UQCRB: variants seen among roughly 807,000 people sequenced by gnomAD.
UQCRB encodes cytochrome b-c1 complex subunit 7.
A neutral mutation model predicts 19.8 loss-of-function variants in UQCRB; 12 were observed. The observed-to-expected ratio is 0.61, with a 90% CI of 0.39 to 0.98. The LOEUF (loss-of-function observed/expected upper bound fraction) is 0.98, where lower values mean the gene tolerates loss of function less well. UQCRB is among the 50% of genes least tolerant of loss of function. The probability of loss-of-function intolerance (pLI) is 0.00; values close to 1 mark genes in which losing one functional copy is unlikely to be tolerated. For synonymous variants in UQCRB, 39 were observed against 42.9 expected, an observed-to-expected ratio of 0.91 and a Z score of 0.35; for missense variants, 142 against 131.8, an observed-to-expected ratio of 1.08 and a Z score of -0.38.
At chr8:96,234,778 A>AAAACAAAC (rs569834910) in intron 1 of UQCRB, 6 of 248,196 alleles carry the variant, frequency 2.4e-5, no homozygotes, top group Non-Finnish European at 4.1e-5. Flanking sequence ...TCTCAAAGAC[A>AAAACAAAC]AAACAAACAA....
rs1809650181 is a variant in UQCRB at position 96,230,749 on chromosome 8, T to TA, written c.*305dup. On this transcript the variant is annotated 3_prime_UTR_variant, in exon 4 of 4. Transcript: ENST00000287022. ...CAGTAGCTTCCATAAGGATGTAACT[T>TA]ACGGAAGTTATATCCTTCCATAAAC... 7 of 532,910 alleles carry TA rather than the reference T, an allele frequency of 1.3e-5. No individual in the cohort carries two copies. In the East Asian group the frequency reaches 2.9e-4, roughly 22 times the overall value. 33.0% of individuals were successfully genotyped at this position (532,910 alleles called of 1,614,324 possible).
chr8:96,234,237 A>C, intron 1 of UQCRB: 1 of 231,676 alleles, frequency 4.3e-6, no homozygotes, highest in South Asian at 4.4e-5. Flanking sequence ...TGCTGCTAGA[A>C]AAACAAGTAT....
rs762110280 is a variant in UQCRB at position 96,227,359 on chromosome 8, T to G, written c.*3696A>C. On this transcript the variant is annotated 3_prime_UTR_variant, in exon 4 of 4. Coordinates refer to ENST00000287022, the MANE Select transcript of UQCRB (RefSeq NM_006294.5). ...GTTGGTGGGGCGCAGAATGGAGAAA[T>G]CTTCCATAGTGCTCGTGTGATGTAC... The G allele has an allele frequency of 6.6e-6, 3 of 454,086 alleles. No individual in the cohort carries two copies. Among genetic ancestry groups the G allele is most frequent in the Middle Eastern group, 6.9e-4 (1 of 1,444 alleles). 28.1% of individuals were successfully genotyped at this position (454,086 alleles called of 1,614,324 possible).
At chr8:96,233,470 T>G (rs937108033) in intron 1 of UQCRB, 9 of 469,846 alleles carry the variant, frequency 1.9e-5, no homozygotes, top group African/African-American at 4.0e-5. Flanking sequence ...CAAAAGTGGT[T>G]GCAGGAAAAT....
rs750762015 is a variant in UQCRB, at chr8:96,231,985, C to A, written c.92-45G>T. The A allele has an allele frequency of 1.9e-6, 3 of 1,604,844 alleles. No homozygotes were observed. In the Admixed American group the frequency reaches 5.0e-5, roughly 27 times the overall value. ...TAGATTGCACATGCATCTCAAAAAT[C>A]GCGGTTTTTTTAAATTAGTAAAATA... On this transcript the variant is annotated intron_variant, in intron 2 of 3. Coordinates refer to ENST00000287022, the MANE Select transcript of UQCRB (RefSeq NM_006294.5).
intron 3 of UQCRB, 22 bp from the exon 4 acceptor site, chr8:96,231,154 A>G (rs1563537441): frequency 3.7e-6 from 6 of 1,614,100 alleles, no homozygotes; most frequent in African/African-American, 1.3e-5. Flanking sequence ...ATGAAATATT[A>G]TATGTTACCA....
In UQCRB at chr8:96,231,212, A is replaced by G. The variant is rs559928196; in HGVS notation, c.259-80T>C. On this transcript the variant is annotated intron_variant, in intron 3 of 3. Transcript: ENST00000287022. Reference sequence around the variant, plus strand: ...CACTCAACAGGTCTTCAATAACAAGAAAAAAGCAATTACTTTTGAATTTCC... The same window carrying G: ...CACTCAACAGGTCTTCAATAACAAGGAAAAAGCAATTACTTTTGAATTTCC... 2,032 of 1,613,352 alleles carry G rather than the reference A, an allele frequency of 1.3e-3. 1 individual carries two copies. The highest frequency in any genetic ancestry group is 1.5e-3 in the Non-Finnish European group (1,732 of 1,179,684).
Position 96,233,015 on chromosome 8 carries a change from A to C in UQCRB, c.91+141T>G. On this transcript the variant is annotated intron_variant, in intron 2 of 3. Transcript: ENST00000287022. ...TTTAACATAATGTGATTTAATTTTAAAATCTTCTGATGTATACAAGAACTG... is the reference window on the plus strand; with the variant it reads ...TTTAACATAATGTGATTTAATTTTACAATCTTCTGATGTATACAAGAACTG... 4.1e-6 allele frequency: 3 copies of C among 726,130 alleles called. No homozygotes were observed. In the East Asian group the frequency reaches 8.0e-5, roughly 19 times the overall value. The allele number at this position is 726,130 out of a possible 1,614,324, so 45.0% of individuals were successfully genotyped here.
At chr8:96,231,310 A>T in intron 3 of UQCRB, 178 bp from the exon 4 acceptor site, 2 of 1,552,342 alleles carry the variant, frequency 1.3e-6, no homozygotes, top group Non-Finnish European at 1.7e-6. Context: ...TGATGGTGTG[A>T]TAAGTTGCTT....
rs931778265 is a variant in UQCRB, at chr8:96,225,562, G to A, written c.*5493C>T. On this transcript the variant is annotated 3_prime_UTR_variant, in exon 4 of 4. Coordinates refer to ENST00000287022, the MANE Select transcript of UQCRB (RefSeq NM_006294.5). ...TCCCATGTCTCTCCAGCTGATATTT[G>A]CCACTCCATCAGTGCAAAACTGCCT... 2.6e-5 allele frequency among the ~76,000 whole-genome samples: 4 copies of A among 151,872 alleles called. No homozygotes were observed. The highest frequency in any genetic ancestry group is 9.7e-5 in the African/African-American group (4 of 41,320).
At position 96,231,878 on chromosome 8, in the gene UQCRB, G is replaced by A; in HGVS notation, c.154C>T (p.Pro52Ser). The stretch of plus-strand genomic sequence containing the variant: ...ATCCTGTCATTATAAAGGTTCTCAG[G>A]AAGTCTTCTTATGGCTTCTTTTACA... The part of the protein sequence containing the change: ...EDVKEAIRRL[P>S]ENLYNDRMFR... Residue 52 changes from proline (P) to serine (S), a missense_variant, in exon 3 of 4, where the codon CCT becomes TCT. Around this residue, in one of 2 missense-constraint regions of UQCRB, gnomAD observed 132 missense variants for 107.5 expected, o/e 1.23. Transcript: ENST00000287022. 6.2e-7 allele frequency: 1 copy of A among 1,613,978 alleles called. No individual in the cohort carries two copies. Among genetic ancestry groups the A allele is most frequent in the Non-Finnish European group, 8.5e-7 (1 of 1,180,000 alleles).
chr8:96,231,523 G>A, intron 3 of UQCRB: 2 of 1,517,094 alleles, frequency 1.3e-6, no homozygotes, highest in Non-Finnish European at 1.8e-6. Flanking sequence ...GACCTGGGAG[G>A]CAACAGACCT....
At chr8:96,235,257 A>C (rs1435677985) in intron 1 of UQCRB, 2 of 602,470 alleles carry the variant, frequency 3.3e-6, no homozygotes, top group East Asian at 5.6e-5. Context: ...GGGCAGCTGG[A>C]ACTCCAGGGC....
chr8:96,234,075 TTC>T (rs1809741049), intron 1 of UQCRB: 2 of 154,528 alleles, frequency 1.3e-5, no homozygotes, highest in African/African-American at 4.8e-5. Context: ...CAGGTTTGTA[TTC>T]TCTTTTAAAA....
intron 2 of UQCRB, 36 bp downstream of exon 2, chr8:96,233,120 C>G (rs141771007): frequency 1.3e-6 from 2 of 1,586,244 alleles, no homozygotes; most frequent in East Asian, 4.5e-5. Flanking sequence ...GAAACAACAA[C>G]AACAACAAAA....
intron 3 of UQCRB, 65 bp downstream of exon 3, chr8:96,231,709 T>C: frequency 1.3e-6 from 2 of 1,599,848 alleles, no homozygotes; most frequent in Non-Finnish European, 1.7e-6. Flanking sequence ...AATGAACATG[T>C]TTCTCTTGTT....
At position 96,233,111 on chromosome 8, in the gene UQCRB, AAACAAC is replaced by A. The variant is rs200246252; in HGVS notation, c.91+39_91+44del. 9.5e-6 allele frequency: 15 copies of A among 1,576,278 alleles called. No homozygotes were observed. In the Admixed American group the frequency reaches 2.6e-4, roughly 27 times the overall value. On this transcript the variant is annotated intron_variant, in intron 2 of 3. Transcript: ENST00000287022. ...CAGAAAAACAAAAAAAAAAACAAAG[AAACAAC>A]AACAACAACAAAAAACATTAAACAG...
chr8:96,232,508 T>A (rs1302256248), intron 2 of UQCRB: 1 of 154,166 alleles, frequency 6.5e-6, no homozygotes, highest in Non-Finnish European at 1.4e-5. Flanking sequence ...ATTCAAAAAC[T>A]CTCTACTTTC....
Position 96,232,696 on chromosome 8 carries a change from G to A in UQCRB, c.91+460C>T, listed in dbSNP as rs73269965. 9.5e-3 allele frequency: 1,565 copies of A among 164,166 alleles called. 24 individuals are homozygous for A. The highest frequency in any genetic ancestry group is 0.036 in the African/African-American group (1,485 of 41,536). The allele number at this position is 164,166 out of a possible 1,614,324, so 10.2% of individuals were successfully genotyped here. On this transcript the variant is annotated intron_variant, in intron 2 of 3. Coordinates refer to ENST00000287022, the MANE Select transcript of UQCRB (RefSeq NM_006294.5). Reference sequence around the variant, plus strand: ...TACATACAAAAAAAATTAGCCAGGCGTGGTGGCACACGCCTGTAATCCCAG... The same window carrying A: ...TACATACAAAAAAAATTAGCCAGGCATGGTGGCACACGCCTGTAATCCCAG...
Sources: gnomAD v4.1 joint callset for allele counts (sites outside exome capture counted in the v4.1 genomes callset) on GRCh38, gnomAD v4.1.1 for gene constraint, gnomAD v4.1.1 regional missense constraint, MANE v1.5 for transcripts, NCBI Gene and HGNC (gene_info 2026-07-23, HGNC 2026-07-21) for gene names.